The following ZNF79 variants were observed in gnomAD, a reference collection of about 807,000 sequenced individuals.
ZNF79 encodes the protein zinc finger protein 79, also known as ZNFpT7.
ZNF79 carries 13 observed loss-of-function variants against 14.9 expected under a neutral mutation model. The ratio of observed to expected loss-of-function variants is 0.87; its 90% CI spans 0.57 to 1.38. The LOEUF (loss-of-function observed/expected upper bound fraction) is 1.38, where lower values mean the gene tolerates loss of function less well. Ranked by LOEUF, ZNF79 falls within the 40% of genes most tolerant of loss-of-function variation. ZNF79 has a pLI of 0.00. For synonymous variants in ZNF79, 223 were observed against 235.1 expected, an observed-to-expected ratio of 0.95 and a Z score of 0.47; for missense variants, 631 against 630.6, an observed-to-expected ratio of 1.00 and a Z score of -0.01.
chr9:127,436,358 C>T (rs932375961), intron 4 of ZNF79, among the ~76,000 whole-genome samples: 3 of 152,240 alleles, frequency 2.0e-5, no homozygotes, highest in Non-Finnish European at 4.4e-5. Context: ...TTTGCTGGCA[C>T]ATTCCCTGCT....
In ZNF79 at chr9:127,435,202, G is replaced by T. The variant is rs780098869; in HGVS notation, c.218G>T (p.Ser73Ile). ...FKEGIPGKSR[S>I]LVLLGLPVSQ... ...GAGGGGATACCAGGAAAGTCCAGGAGCCTTGTCCTACTAGGTAAGGAAACT... is the reference window on the plus strand; with the variant it reads ...GAGGGGATACCAGGAAAGTCCAGGATCCTTGTCCTACTAGGTAAGGAAACT... Residue 73 changes from serine (S) to isoleucine (I), a missense_variant, in exon 3 of 5, where the codon AGC (serine) becomes ATC (isoleucine). By Grantham distance (142) the Ser-to-Ile change is moderately radical. Coordinates refer to ENST00000342483, the MANE Select transcript of ZNF79 (RefSeq NM_007135.3). 12 of 1,599,608 alleles carry T rather than the reference G, an allele frequency of 7.5e-6. No individual in the cohort carries two copies. Among genetic ancestry groups the T allele is most frequent in the Non-Finnish European group, 1.0e-5 (12 of 1,175,546 alleles).
intron 4 of ZNF79, among the ~76,000 whole-genome samples, chr9:127,439,208 GCGCA>G (rs1564236290): frequency 3.4e-5 from 1 of 29,090 alleles, no homozygotes; most frequent in Non-Finnish European, 8.6e-5. Context: ...CACACACAAC[GCGCA>G]CACACACACA....
In ZNF79 at chr9:127,444,692, A is replaced by G; in HGVS notation, c.992A>G (p.Lys331Arg). 1.9e-6 allele frequency: 3 copies of G among 1,614,028 alleles called. No homozygotes were observed. The highest frequency in any genetic ancestry group is 2.5e-6 in the Non-Finnish European group (3 of 1,179,928). ...CATCAGAGGACTCACACCGGGGAGA[A>G]GCCCTACAAGTGCAGCGAGTGTGGG... ...TNHQRTHTGE[K>R]PYKCSECGKA... The change falls in exon 5 of 5, where the codon AAG becomes AGG. Residue 331 changes from lysine (K) to arginine (R), a missense_variant. Physicochemically the swap from Lys to Arg is conservative, Grantham distance 26. Coordinates refer to ENST00000342483, the MANE Select transcript of ZNF79 (RefSeq NM_007135.3).
At chr9:127,439,664 C>T (rs1834016118) in intron 4 of ZNF79, among the ~76,000 whole-genome samples, 1 of 152,176 alleles carries the variant, frequency 6.6e-6, no homozygotes, top group South Asian at 2.1e-4. Context: ...AACACTTTCG[C>T]AGACCCTGCT....
chr9:127,442,962 C>T (rs1211053655), intron 4 of ZNF79, among the ~76,000 whole-genome samples: 4 of 152,104 alleles, frequency 2.6e-5, no homozygotes, highest in Non-Finnish European at 5.9e-5. Context: ...CAGGATCATG[C>T]GTATCACTGT....
rs141133767 is a variant in ZNF79, at chr9:127,431,321, A to C, written c.105+2401A>C. On this transcript the variant is annotated intron_variant, in intron 2 of 4. Coordinates refer to ENST00000342483, the MANE Select transcript of ZNF79 (RefSeq NM_007135.3). ...ACCCAGTCTGGAGTGCAGTGGCACA[A>C]TCTCAGCTCACTGCAGCCTCCACCC... Among the ~76,000 whole-genome samples, 291 of 151,564 alleles carry C rather than the reference A, an allele frequency of 1.9e-3. 3 individuals carry two copies. In the East Asian group the frequency reaches 0.04, roughly 21 times the overall value.
chr9:127,435,857 C>T (rs774951189), intron 3 of ZNF79, 51 bp from the exon 4 acceptor site: 9 of 1,474,988 alleles, frequency 6.1e-6, no homozygotes, highest in Middle Eastern at 1.7e-4. Context: ...TTCTGGGTGG[C>T]TGTTCATACT....
At chr9:127,435,712 G>A (rs975445826) in intron 3 of ZNF79, among the ~76,000 whole-genome samples, 196 bp from the exon 4 acceptor site, 2 of 152,146 alleles carry the variant, frequency 1.3e-5, no homozygotes, top group African/African-American at 4.8e-5. Context: ...TTAAAAGGAT[G>A]TTTAAAAAGA....
Position 127,444,082 on chromosome 9 carries a change from T to C in ZNF79, c.382T>C (p.Phe128Leu), listed in dbSNP as rs1392070688. 1.2e-6 allele frequency: 2 copies of C among 1,612,078 alleles called. No individual in the cohort carries two copies. Among genetic ancestry groups the C allele is most frequent in the East Asian group, 2.2e-5 (1 of 44,808 alleles). Residue 128 changes from phenylalanine to leucine, a missense_variant, in exon 5 of 5, where the codon TTC (phenylalanine) becomes CTC (leucine). By Grantham distance (22) the Phe-to-Leu change is conservative. Coordinates refer to ENST00000342483, the MANE Select transcript of ZNF79 (RefSeq NM_007135.3). ...PPEQALSEAS[F>L]QDPCVEMPPG... ...AGAGCAAGCCCTTTCTGAAGCTTCA[T>C]TCCAAGACCCATGTGTAGAGATGCC...
intron 4 of ZNF79, among the ~76,000 whole-genome samples, chr9:127,443,227 G>A (rs1412093499): frequency 6.6e-6 from 1 of 151,802 alleles, no homozygotes; most frequent in Non-Finnish European, 1.5e-5. Context: ...GGTCGCTTGA[G>A]TCCAGGAGTT....
At chr9:127,429,876 T>A (rs146637500) in intron 2 of ZNF79, among the ~76,000 whole-genome samples, 2,011 of 150,952 alleles carry the variant, frequency 0.013, 44 homozygotes, top group African/African-American at 0.046. Flanking sequence ...GAGTGCAGTG[T>A]CACAATCTAG....
intron 2 of ZNF79, among the ~76,000 whole-genome samples, chr9:127,430,110 C>G (rs1833834103): frequency 1.3e-5 from 2 of 152,172 alleles, no homozygotes; most frequent in Admixed American, 6.6e-5. Context: ...GCCACTGTGC[C>G]CAGGTCATAT....
chr9:127,444,172 T>C lies in ZNF79; in HGVS notation c.472T>C (p.Ser158Pro). Reference sequence around the variant, plus strand: ...GAGCTTCAATCTGAGACCAGTCCTCTCTCCGCAACAGAGAGTGCCCGTGGA... The same window carrying C: ...GAGCTTCAATCTGAGACCAGTCCTCCCTCCGCAACAGAGAGTGCCCGTGGA... The part of the protein sequence containing the change: ...EKSFNLRPVL[S>P]PQQRVPVEAR... The change falls in exon 5 of 5, where the codon TCT (serine) becomes CCT (proline). Residue 158 changes from serine to proline, a missense_variant. Physicochemically the swap from Ser to Pro is moderately conservative, Grantham distance 74 (BLOSUM62 -1). Transcript: ENST00000342483. 6.2e-7 allele frequency: 1 copy of C among 1,613,920 alleles called. No individual in the cohort carries two copies. Among genetic ancestry groups the C allele is most frequent in the Non-Finnish European group, 8.5e-7 (1 of 1,180,016 alleles).
At chr9:127,442,413 AAAG>A (rs1834065891) in intron 4 of ZNF79, among the ~76,000 whole-genome samples, 1 of 151,962 alleles carries the variant, frequency 6.6e-6, no homozygotes, top group Non-Finnish European at 1.5e-5. Context: ...AAAAAAAAAA[AAAG>A]AAAAGAAAAG....
intron 1 of ZNF79, 168 bp from the exon 2 acceptor site, chr9:127,428,664 A>G: frequency 8.1e-7 from 1 of 1,241,062 alleles, no homozygotes. Flanking sequence ...CATCTGAGTG[A>G]GTTGATGGAA....
intron 4 of ZNF79, among the ~76,000 whole-genome samples, chr9:127,436,396 G>T (rs1377950274): frequency 6.6e-6 from 1 of 152,174 alleles, no homozygotes; most frequent in African/African-American, 2.4e-5. Context: ...AGGATCCTAG[G>T]TGCCACCTTT....
intron 1 of ZNF79, among the ~76,000 whole-genome samples, chr9:127,426,479 A>T (rs1294250866): frequency 6.7e-6 from 1 of 149,422 alleles, no homozygotes; most frequent in Non-Finnish European, 1.5e-5. Context: ...CGTTCAAGTG[A>T]TTCTCCTGCC....
chr9:127,436,000 C>T lies in ZNF79; in HGVS notation c.325C>T (p.Pro109Ser). 6.2e-7 allele frequency: 1 copy of T among 1,614,028 alleles called. No homozygotes were observed. The highest frequency in any genetic ancestry group is 1.1e-5 in the South Asian group (1 of 91,086). The change falls in exon 4 of 5, where the codon CCA becomes TCA. Residue 109 changes from proline to serine, a missense_variant. Pro to Ser is a moderately conservative substitution (Grantham distance 74). Transcript: ENST00000342483. Reference protein sequence around the residue: ...LEGEDLRSPSPGWKIISGSPP... With the variant: ...LEGEDLRSPSSGWKIISGSPP... ...GGGCGAAGACCTGCGAAGTCCCTCT[C>T]CAGGTATGTGAGCAAGCACTTAGCC...
chr9:127,439,662 C>T (rs7869384), intron 4 of ZNF79, among the ~76,000 whole-genome samples: 64,447 of 151,998 alleles, frequency 0.42, 14,601 homozygotes, highest in Non-Finnish European at 0.5. Flanking sequence ...TTAACACTTT[C>T]GCAGACCCTG....
Sources: gnomAD v4.1 joint callset for allele counts (sites outside exome capture counted in the v4.1 genomes callset) on GRCh38, gnomAD v4.1.1 for gene constraint, MANE v1.5 for transcripts, NCBI Gene and HGNC (gene_info 2026-07-23, HGNC 2026-07-21) for gene names.